SAMD5: variants seen among roughly 807,000 people sequenced by gnomAD.
SAMD5 encodes sterile alpha motif domain-containing protein 5.
SAMD5 carries 13 observed loss-of-function variants against 11.3 expected under a neutral mutation model. That is an observed-to-expected ratio of 1.15 (90% CI 0.75 to 1.83). SAMD5 has a LOEUF of 1.83. Among genes scored for constraint, SAMD5 ranks in the 40% most tolerant of loss-of-function variants. SAMD5 has a pLI of 0.00. For synonymous variants in SAMD5, 129 were observed against 111.3 expected (o/e 1.16, Z -1.00); for missense variants, 255 against 239.1 (o/e 1.07, Z -0.44).
intron 1 of SAMD5, among the ~76,000 whole-genome samples, chr6:147,638,579 A>T (rs12199915): frequency 1.1e-4 from 17 of 151,924 alleles, no homozygotes; most frequent in Non-Finnish European, 2.2e-4. Flanking sequence ...GCCCAGCAGG[A>T]CTTGCCCTCA....
the SAMD5 span, among the ~76,000 whole-genome samples, chr6:147,834,211 AG>A: frequency 6.6e-6 from 1 of 152,212 alleles, no homozygotes; most frequent in Non-Finnish European, 1.5e-5. Flanking sequence ...ATGAATAAAT[AG>A]GGGTTTCATC....
chr6:147,780,255 T>C, the SAMD5 span, among the ~76,000 whole-genome samples: 3 of 152,068 alleles, frequency 2.0e-5, no homozygotes, highest in Non-Finnish European at 2.9e-5. Flanking sequence ...TCCCCCAGGC[T>C]GGAGCACAGT....
At chr6:147,877,881 C>CACACGATA in the SAMD5 span, among the ~76,000 whole-genome samples, 522 of 82,206 alleles carry the variant, frequency 6.3e-3, 9 homozygotes, top group African/African-American at 0.023. Context: ...CACACACACA[C>CACACGATA]GATAGATAGA....
At chr6:147,578,431 C>T (rs1789249190) in intron 1 of SAMD5, among the ~76,000 whole-genome samples, 1 of 152,168 alleles carries the variant, frequency 6.6e-6, no homozygotes, top group Admixed American at 6.5e-5. Context: ...TAATGCTTCT[C>T]TCTGTTCACT....
the SAMD5 span, among the ~76,000 whole-genome samples, chr6:147,834,627 G>T: frequency 6.6e-6 from 1 of 152,172 alleles, no homozygotes; most frequent in Non-Finnish European, 1.5e-5. Context: ...TGCATCATCT[G>T]TTCTTGCCCT....
At chr6:147,593,971 T>C (rs1350599079) in intron 1 of SAMD5, among the ~76,000 whole-genome samples, 1 of 152,006 alleles carries the variant, frequency 6.6e-6, no homozygotes, top group Non-Finnish European at 1.5e-5. Context: ...GTACTAAAAA[T>C]ACAAAAATTA....
At chr6:147,705,611 C>A (rs1215116898) in intron 1 of SAMD5, among the ~76,000 whole-genome samples, 18 of 152,046 alleles carry the variant, frequency 1.2e-4, no homozygotes, top group Admixed American at 1.2e-3. Flanking sequence ...TTTTGCATTC[C>A]AAATAGAAAA....
intron 1 of SAMD5, among the ~76,000 whole-genome samples, chr6:147,514,680 G>A (rs1239897190): frequency 6.6e-6 from 1 of 152,030 alleles, no homozygotes; most frequent in Non-Finnish European, 1.5e-5. Flanking sequence ...GCAGGCTCTA[G>A]GGTAAATAGT....
chr6:147,938,081 AT>A, the SAMD5 span, among the ~76,000 whole-genome samples: 1 of 152,172 alleles, frequency 6.6e-6, no homozygotes, highest in African/African-American at 2.4e-5. Context: ...CAATGAACCT[AT>A]GCCTTGTGTT....
At chr6:147,850,291 T>TA in the SAMD5 span, among the ~76,000 whole-genome samples, 4 of 151,970 alleles carry the variant, frequency 2.6e-5, no homozygotes, top group South Asian at 4.2e-4. Context: ...TAGCCTAGTT[T>TA]AAAAAAAACA....
the SAMD5 span, among the ~76,000 whole-genome samples, chr6:147,839,558 C>T: frequency 0.42 from 63,249 of 151,810 alleles, 14,971 homozygotes; most frequent in African/African-American, 0.66. Context: ...GAGACCACCC[C>T]GGCCAACATG....
chr6:147,683,869 A>G (rs1015358812), intron 1 of SAMD5, among the ~76,000 whole-genome samples: 13 of 152,214 alleles, frequency 8.5e-5, no homozygotes, highest in Non-Finnish European at 1.8e-4. Flanking sequence ...CCATTTCAGA[A>G]TTACTCCTAG....
At chr6:147,759,043 T>C in the SAMD5 span, among the ~76,000 whole-genome samples, 3 of 152,164 alleles carry the variant, frequency 2.0e-5, no homozygotes, top group Middle Eastern at 3.2e-3. Context: ...GCTAAGCCAA[T>C]GGAATTAAAA....
intron 1 of SAMD5, among the ~76,000 whole-genome samples, chr6:147,539,929 G>A (rs1044449863): frequency 6.6e-6 from 1 of 151,940 alleles, no homozygotes; most frequent in Non-Finnish European, 1.5e-5. Flanking sequence ...AATATTTTTG[G>A]CTTTTGAATT....
intron 1 of SAMD5, among the ~76,000 whole-genome samples, chr6:147,538,821 C>T (rs1416965611): frequency 1.3e-5 from 2 of 152,100 alleles, no homozygotes; most frequent in African/African-American, 4.8e-5. Flanking sequence ...GTCCTTATTT[C>T]CAAAAGATGA....
chr6:147,813,910 A>G, the SAMD5 span, among the ~76,000 whole-genome samples: 1 of 152,186 alleles, frequency 6.6e-6, no homozygotes, highest in Non-Finnish European at 1.5e-5. Context: ...TCTTTGTAAG[A>G]CGATTTTGTT....
intron 1 of SAMD5, among the ~76,000 whole-genome samples, chr6:147,577,097 C>T (rs1396537398): frequency 6.6e-6 from 1 of 152,174 alleles, no homozygotes; most frequent in Non-Finnish European, 1.5e-5. Context: ...TTTCCTACTG[C>T]CTGCAAATCT....
At chr6:147,556,778 A>G (rs57426651) in intron 1 of SAMD5, among the ~76,000 whole-genome samples, 469 of 152,364 alleles carry the variant, frequency 3.1e-3, no homozygotes, top group African/African-American at 0.011. Context: ...TGATATAAAA[A>G]CAAAAATACT....
At chr6:147,807,926 G>A in the SAMD5 span, among the ~76,000 whole-genome samples, 16 of 152,266 alleles carry the variant, frequency 1.1e-4, no homozygotes, top group East Asian at 2.9e-3. Flanking sequence ...GTATCTAATC[G>A]TAATACATTT....
Sources: allele counts gnomAD v4.1 joint callset (sites outside exome capture counted in the v4.1 genomes callset), GRCh38; gene constraint gnomAD v4.1.1; transcripts MANE v1.5; gene names NCBI Gene and HGNC (gene_info 2026-07-23, HGNC 2026-07-21).